GPC6: variants seen among roughly 807,000 people sequenced by gnomAD.
GPC6 encodes glypican-6.
In GPC6, 14 loss-of-function variants were observed where a neutral mutation model predicts 55.2. That is an observed-to-expected ratio of 0.25 (90% CI 0.17 to 0.40). The LOEUF (loss-of-function observed/expected upper bound fraction) is 0.40, where lower values mean the gene tolerates loss of function less well. Ranked by LOEUF, GPC6 falls within the 10% of genes least tolerant of loss-of-function variation. GPC6 has a pLI of 1.00. For missense variants in GPC6, 641 were observed against 708.5 expected, an observed-to-expected ratio of 0.90 and a Z score of 1.08; for synonymous variants, 278 against 259.6, an observed-to-expected ratio of 1.07 and a Z score of -0.68.
upstream of GPC6, among the ~76,000 whole-genome samples, chr13:93,223,896 C>CTTTT (rs10592858): frequency 1.7e-4 from 14 of 83,552 alleles, no homozygotes; most frequent in African/African-American, 6.7e-4. Context: ...TATTTGTTTG[C>CTTTT]TTTTTTTTTT....
chr13:93,355,436 T>C (rs995659456), intron 1 of GPC6, among the ~76,000 whole-genome samples: 2 of 152,154 alleles, frequency 1.3e-5, no homozygotes, highest in Non-Finnish European at 2.9e-5. Flanking sequence ...AAAGGCAGCA[T>C]TTGGGTTGGC....
At chr13:94,029,103 A>G (rs937113270) in intron 4 of GPC6, among the ~76,000 whole-genome samples, 3 of 152,336 alleles carry the variant, frequency 2.0e-5, no homozygotes, top group Non-Finnish European at 4.4e-5. Flanking sequence ...TGCATAGGAT[A>G]GAAAAAAGAT....
chr13:93,402,321 T>G (rs750025640), intron 1 of GPC6, among the ~76,000 whole-genome samples: 1 of 152,156 alleles, frequency 6.6e-6, no homozygotes, highest in Non-Finnish European at 1.5e-5. Context: ...GCTAGGGCAA[T>G]GCAGGAGAGA....
Position 93,938,102 on chromosome 13 carries a change from T to G in GPC6, c.712-89627T>G, listed in dbSNP as rs146951643. Among the ~76,000 whole-genome samples, 701 of 152,296 alleles carry G rather than the reference T, an allele frequency of 4.6e-3. 6 individuals carry two copies. The highest frequency in any genetic ancestry group is 0.016 in the African/African-American group (672 of 41,560). ...GGAGCAACTCTTTAAGACAGTTTTC[T>G]TGGCAATGCAAGTTTATTCTAAATG... On this transcript the variant is annotated intron_variant, in intron 3 of 8. Transcript: ENST00000377047.
chr13:94,394,961 T>C (rs1880831272), intron 7 of GPC6, among the ~76,000 whole-genome samples: 1 of 152,120 alleles, frequency 6.6e-6, no homozygotes, highest in African/African-American at 2.4e-5. Context: ...CAGCTAACCA[T>C]GCAGTGCACA....
intron 1 of GPC6, among the ~76,000 whole-genome samples, chr13:93,243,002 A>G (rs1876484845): frequency 6.6e-6 from 1 of 152,178 alleles, no homozygotes; most frequent in South Asian, 2.1e-4. Flanking sequence ...ACCTGCTACT[A>G]CAGGTTGGGA....
chr13:93,252,376 C>G (rs370113703), intron 1 of GPC6, among the ~76,000 whole-genome samples: 2 of 152,174 alleles, frequency 1.3e-5, no homozygotes, highest in African/African-American at 4.8e-5. Context: ...AAATTTCCAT[C>G]TGATAAAAGA....
chr13:94,370,948 T>C (rs1038553131), intron 6 of GPC6, among the ~76,000 whole-genome samples: 10 of 152,240 alleles, frequency 6.6e-5, no homozygotes, highest in African/African-American at 1.4e-4. Flanking sequence ...CCTGCCATTA[T>C]ATTGTTTACT....
At chr13:94,243,924 C>T (rs1891126103) in intron 4 of GPC6, among the ~76,000 whole-genome samples, 1 of 152,112 alleles carries the variant, frequency 6.6e-6, no homozygotes. Context: ...CCTCAGTTTC[C>T]TTCTCACTTT....
At chr13:94,261,313 G>A (rs1374215466) in intron 4 of GPC6, among the ~76,000 whole-genome samples, 2 of 152,148 alleles carry the variant, frequency 1.3e-5, no homozygotes, top group Non-Finnish European at 2.9e-5. Flanking sequence ...AAGAGCATTT[G>A]TTAATGGTTT....
intron 1 of GPC6, among the ~76,000 whole-genome samples, chr13:93,490,629 A>G (rs1229195155): frequency 1.6e-5 from 2 of 126,660 alleles, no homozygotes; most frequent in Admixed American, 8.3e-5. Context: ...CTAACTCGTC[A>G]TCTAGCATTA....
At chr13:94,171,714 C>G (rs1888574120) in intron 4 of GPC6, among the ~76,000 whole-genome samples, 2 of 152,166 alleles carry the variant, frequency 1.3e-5, no homozygotes, top group South Asian at 4.1e-4. Flanking sequence ...TCTTGAGGCC[C>G]TAGTTTATCA....
chr13:94,259,953 A>T lies in GPC6; in HGVS notation c.878-26396A>T, dbSNP rs116896929. ...TTGTTTATCATTAATCTACCAATAG[A>T]CTTTGTGTTCTACTTTTTGGCTATT... On this transcript the variant is annotated intron_variant, in intron 4 of 8. Transcript: ENST00000377047. Among the ~76,000 whole-genome samples the T allele has an allele frequency of 5.5e-4, 84 of 152,206 alleles. 1 individual carries two copies. In the East Asian group the frequency reaches 0.016, roughly 29 times the overall value.
rs748750376 is a variant in GPC6, at chr13:94,403,265, C to T, written c.*48C>T. 6.3e-6 allele frequency: 8 copies of T among 1,274,084 alleles called. No individual in the cohort carries two copies. In the African/African-American group the frequency reaches 1.2e-4, roughly 19 times the overall value. 78.9% of individuals were successfully genotyped at this position (1,274,084 alleles called of 1,614,324 possible). On this transcript the variant is annotated 3_prime_UTR_variant, in exon 9 of 9. Coordinates refer to ENST00000377047, the MANE Select transcript of GPC6 (RefSeq NM_005708.5). ...AACTGCATTTTAGCTATCTGAATGG[C>T]CAACTCACTTCTTTTCTTACACTCT...
chr13:94,109,606 A>G (rs1886170033), intron 4 of GPC6, among the ~76,000 whole-genome samples: 1 of 152,108 alleles, frequency 6.6e-6, no homozygotes, highest in Non-Finnish European at 1.5e-5. Context: ...AAACGCTACT[A>G]TTTCTGGAAA....
intron 3 of GPC6, among the ~76,000 whole-genome samples, chr13:93,977,031 C>T (rs1880551014): frequency 6.6e-6 from 1 of 152,090 alleles, no homozygotes. Flanking sequence ...GTGATGACGG[C>T]TCCTAGCCTG....
intron 1 of GPC6, among the ~76,000 whole-genome samples, chr13:93,276,477 AGAGAGAGAGAGAGAGAGAGTGTGTGTGT>A (rs1377445545): frequency 1.5e-5 from 2 of 134,070 alleles, no homozygotes; most frequent in East Asian, 4.4e-4. Flanking sequence ...AGAGAGAGAG[AGAGAGAGAGAGAGAGAGAGTGTGTGTGT>A]GTGTGTGTGT....
chr13:93,763,137 A>G (rs1350486066), intron 2 of GPC6, among the ~76,000 whole-genome samples: 2 of 152,208 alleles, frequency 1.3e-5, no homozygotes, highest in Admixed American at 6.5e-5. Context: ...GCTCTGATAT[A>G]CTAGACTAGA....
intron 4 of GPC6, among the ~76,000 whole-genome samples, chr13:94,125,734 T>A (rs199797305): frequency 0.01 from 1,458 of 143,800 alleles, 34 homozygotes; most frequent in African/African-American, 0.035. Flanking sequence ...TTTTTTTTTT[T>A]AAATACAAAA....
Sources: gnomAD v4.1 joint callset for allele counts (sites outside exome capture counted in the v4.1 genomes callset) on GRCh38, gnomAD v4.1.1 for gene constraint, MANE v1.5 for transcripts, NCBI Gene and HGNC (gene_info 2026-07-23, HGNC 2026-07-21) for gene names.